DCC: variants seen among roughly 807,000 people sequenced by gnomAD.
The protein encoded by DCC is DCC netrin 1 receptor.
In DCC, 58 loss-of-function variants were observed where a neutral mutation model predicts 172.5. The observed-to-expected ratio is 0.34, with a 90% CI of 0.27 to 0.42. DCC has a LOEUF of 0.42. Among genes scored for constraint, DCC ranks in the 10% least tolerant of loss-of-function variants. DCC has a pLI of 1.00. For missense variants in DCC, 1,740 were observed against 1,791.0 expected, an observed-to-expected ratio of 0.97 and a Z score of 0.51; for synonymous variants, 709 against 644.5, an observed-to-expected ratio of 1.10 and a Z score of -1.52.
intron 2 of DCC, among the ~76,000 whole-genome samples, chr18:52,803,995 G>T (rs530591185): frequency 6.6e-6 from 1 of 152,234 alleles, no homozygotes; most frequent in African/African-American, 2.4e-5. Context: ...GTGGTGGTGC[G>T]AAGGCTGCAC....
intron 27 of DCC, among the ~76,000 whole-genome samples, chr18:53,522,084 G>A (rs2046404805): frequency 6.6e-6 from 1 of 152,066 alleles, no homozygotes; most frequent in African/African-American, 2.4e-5. Flanking sequence ...CAAGGTTTAT[G>A]CCTCTTTTTA....
At chr18:53,400,868 T>C (rs1197596698) in intron 18 of DCC, among the ~76,000 whole-genome samples, 2 of 152,150 alleles carry the variant, frequency 1.3e-5, no homozygotes, top group Admixed American at 6.5e-5. Flanking sequence ...ATCATCCTCA[T>C]TTGACTATTT....
intron 1 of DCC, among the ~76,000 whole-genome samples, chr18:52,518,645 G>A (rs963315894): frequency 2.0e-5 from 3 of 152,124 alleles, no homozygotes; most frequent in South Asian, 2.1e-4. Context: ...GAAATGAGCC[G>A]GCATGATGAA....
chr18:52,448,210 G>A (rs561139401), intron 1 of DCC, among the ~76,000 whole-genome samples: 14 of 152,262 alleles, frequency 9.2e-5, no homozygotes, highest in African/African-American at 2.6e-4. Context: ...TCGAGGGATC[G>A]ACATTGTGTG....
intron 5 of DCC, among the ~76,000 whole-genome samples, chr18:52,962,564 A>G (rs535718240): frequency 6.6e-6 from 1 of 152,128 alleles, no homozygotes; most frequent in South Asian, 2.1e-4. Context: ...TCAGGGATCT[A>G]GAACTAGAAA....
chr18:53,206,391 A>G (rs1446745822), intron 10 of DCC, among the ~76,000 whole-genome samples: 1 of 85,846 alleles, frequency 1.2e-5, no homozygotes, highest in African/African-American at 4.6e-5. Flanking sequence ...GTATATATGT[A>G]TATATACATA....
intron 12 of DCC, among the ~76,000 whole-genome samples, chr18:53,265,140 A>G (rs1193936438): frequency 1.3e-5 from 2 of 152,168 alleles, no homozygotes; most frequent in South Asian, 2.1e-4. Context: ...GATGCAGTCT[A>G]TGGGAAATAA....
chr18:52,431,686 G>A (rs899867508), intron 1 of DCC, among the ~76,000 whole-genome samples: 5 of 152,136 alleles, frequency 3.3e-5, no homozygotes, highest in Admixed American at 6.5e-5. Flanking sequence ...GTGAAGGGTC[G>A]TAGCTCCACT....
intron 2 of DCC, among the ~76,000 whole-genome samples, chr18:52,843,213 CTG>C (rs2038834383): frequency 6.6e-6 from 1 of 152,106 alleles, no homozygotes; most frequent in Non-Finnish European, 1.5e-5. Flanking sequence ...TACAACTAGA[CTG>C]TGTTTATGCA....
chr18:53,226,439 C>T (rs987936231), intron 12 of DCC, among the ~76,000 whole-genome samples: 6 of 152,012 alleles, frequency 3.9e-5, no homozygotes, highest in Non-Finnish European at 2.9e-5. Flanking sequence ...GATTCTGTAC[C>T]TCAAGCTATG....
intron 2 of DCC, among the ~76,000 whole-genome samples, chr18:52,758,471 G>C (rs1430279513): frequency 1.3e-5 from 2 of 151,998 alleles, no homozygotes; most frequent in Non-Finnish European, 2.9e-5. Flanking sequence ...AATAACACCT[G>C]CATTATAATT....
chr18:52,695,556 T>C (rs375982337), intron 1 of DCC, among the ~76,000 whole-genome samples: 23 of 152,360 alleles, frequency 1.5e-4, no homozygotes, highest in Admixed American at 4.6e-4. Context: ...TTTATGTTTA[T>C]GTTCATAAAT....
chr18:52,867,565 T>C (rs1427054343), intron 2 of DCC, among the ~76,000 whole-genome samples: 4 of 152,116 alleles, frequency 2.6e-5, no homozygotes, highest in African/African-American at 9.7e-5. Flanking sequence ...TCAGAACTTG[T>C]TATTTGTTTA....
intron 5 of DCC, among the ~76,000 whole-genome samples, chr18:53,037,669 T>C (rs1240796865): frequency 1.3e-5 from 2 of 151,976 alleles, no homozygotes; most frequent in Admixed American, 1.3e-4. Context: ...AAATAAGCTT[T>C]GATAAACAAA....
In DCC at chr18:53,253,918, C is replaced by G. The variant is rs575538250; in HGVS notation, c.1911+38321C>G. Among the ~76,000 whole-genome samples, 13 of 152,092 alleles carry G rather than the reference C, an allele frequency of 8.5e-5. No homozygotes were observed. In the South Asian group the frequency reaches 2.7e-3, roughly 32 times the overall value. On this transcript the variant is annotated intron_variant, in intron 12 of 28. Transcript: ENST00000442544. Reference sequence around the variant, plus strand: ...TTGAGAACTGATGCTTCATCTGGAACAGGTGATGAAGGGTATATAGGAATC... The same window carrying G: ...TTGAGAACTGATGCTTCATCTGGAAGAGGTGATGAAGGGTATATAGGAATC...
In DCC at chr18:52,906,444, TTTTG is replaced by T. The variant is rs1338804135; in HGVS notation, c.697+120_697+123del. The T allele has an allele frequency of 1.6e-5, 17 of 1,082,224 alleles. No individual in the cohort carries two copies. In the African/African-American group the frequency reaches 1.7e-4, roughly 11 times the overall value. The allele number at this position is 1,082,224 out of a possible 1,614,324, so 67.0% of individuals were successfully genotyped here. A position where few individuals can be genotyped will look rare whatever the true frequency, so the allele number is the denominator to read the frequency against. ...TATAAGTTCTGTATTGTTCATTGCGTTTTGTTTATTATTTCTTTCTTCCTTGCCG... is the reference window on the plus strand; with the variant it reads ...TATAAGTTCTGTATTGTTCATTGCGTTTTATTATTTCTTTCTTCCTTGCCG... On this transcript the variant is annotated intron_variant, in intron 3 of 28. Transcript: ENST00000442544.
intron 4 of DCC, among the ~76,000 whole-genome samples, chr18:52,924,205 G>T (rs1470914829): frequency 6.6e-6 from 1 of 151,334 alleles, no homozygotes; most frequent in African/African-American, 2.4e-5. Context: ...AATATTCTGT[G>T]TCACACACAA....
At chr18:53,489,859 C>T (rs192896197) in intron 26 of DCC, among the ~76,000 whole-genome samples, 29 of 152,254 alleles carry the variant, frequency 1.9e-4, no homozygotes, top group Non-Finnish European at 2.8e-4. Flanking sequence ...TAAGTAACTG[C>T]AGTACTGCTC....
At chr18:53,385,783 C>A (rs1908121740) in intron 15 of DCC, among the ~76,000 whole-genome samples, 1 of 152,132 alleles carries the variant, frequency 6.6e-6, no homozygotes, top group African/African-American at 2.4e-5. Context: ...CACATCATCA[C>A]ATAGGTTTGC....
Sources: gnomAD v4.1 joint callset for allele counts (sites outside exome capture counted in the v4.1 genomes callset) on GRCh38, gnomAD v4.1.1 for gene constraint, MANE v1.5 for transcripts, NCBI Gene and HGNC (gene_info 2026-07-23, HGNC 2026-07-21) for gene names.